SLC35F3: variants seen among roughly 807,000 people sequenced by gnomAD.
SLC35F3 encodes putative thiamine transporter SLC35F3.
SLC35F3 carries 25 observed loss-of-function variants against 49.9 expected under a neutral mutation model. The observed-to-expected ratio is 0.50, with a 90% CI of 0.37 to 0.70. The LOEUF (loss-of-function observed/expected upper bound fraction) is 0.70. Among genes scored for constraint, SLC35F3 ranks in the 30% least tolerant of loss-of-function variants. The pLI is 0.00. For missense variants in SLC35F3, 525 were observed against 639.8 expected (o/e 0.82, Z 1.94); for synonymous variants, 275 against 265.4 (o/e 1.04, Z -0.35).
At chr1:234,154,229 C>T (rs890932268) in intron 2 of SLC35F3, among the ~76,000 whole-genome samples, 4 of 152,010 alleles carry the variant, frequency 2.6e-5, no homozygotes, top group African/African-American at 7.3e-5. Context: ...CCAGCCGGAG[C>T]GATAGAGTGA....
In SLC35F3 at chr1:234,152,169, TAATC is replaced by T. The variant is rs536363757; in HGVS notation, c.284-79244_284-79241del. Among the ~76,000 whole-genome samples, 148 of 151,414 alleles carry T rather than the reference TAATC, an allele frequency of 9.8e-4. 2 individuals carry two copies. The highest frequency in any genetic ancestry group is 3.2e-3 in the African/African-American group (133 of 41,376). ...ATTTTTTTAAATGAAAGAAAAAAGA[TAATC>T]AATTTTTTGACAGCAGTGCTAAAAG... On this transcript the variant is annotated intron_variant, in intron 2 of 7. Transcript: ENST00000366618.
At chr1:233,938,606 A>G (rs1472173252) in intron 2 of SLC35F3, among the ~76,000 whole-genome samples, 2 of 152,174 alleles carry the variant, frequency 1.3e-5, no homozygotes, top group African/African-American at 2.4e-5. Flanking sequence ...AGAGCTAACA[A>G]TGGATGGACA....
At position 234,299,921 on chromosome 1, in the gene SLC35F3, C is replaced by T. The variant is rs542302874; in HGVS notation, c.609-9180C>T. On this transcript the variant is annotated intron_variant, in intron 3 of 7. Coordinates refer to ENST00000366618, the MANE Select transcript of SLC35F3 (RefSeq NM_173508.4). ...TTTTAAAAGAGAGAAAGAAAGAAAA[C>T]AGAGAAAGAGAGAGAAAAGAGCATG... 2.0e-4 allele frequency among the ~76,000 whole-genome samples: 30 copies of T among 147,416 alleles called. No individual in the cohort carries two copies. In the East Asian group the frequency reaches 3.4e-3, roughly 16 times the overall value.
intron 2 of SLC35F3, among the ~76,000 whole-genome samples, chr1:234,126,260 T>A (rs1428723649): frequency 6.6e-6 from 1 of 152,218 alleles, no homozygotes; most frequent in African/African-American, 2.4e-5. Context: ...CAAATCCAGC[T>A]CATCTCTACC....
chr1:233,907,680 T>A (rs1661798331), intron 2 of SLC35F3, among the ~76,000 whole-genome samples: 1 of 151,862 alleles, frequency 6.6e-6, no homozygotes, highest in South Asian at 2.1e-4. Flanking sequence ...AATGTTTTAT[T>A]AATGTATTAA....
At chr1:234,182,574 A>G (rs1027615286) in intron 2 of SLC35F3, among the ~76,000 whole-genome samples, 4 of 152,184 alleles carry the variant, frequency 2.6e-5, no homozygotes, top group Non-Finnish European at 1.5e-5. Context: ...CTTTCTTGAG[A>G]TCGATTGCCA....
chr1:234,240,181 G>C (rs765902873), intron 3 of SLC35F3, among the ~76,000 whole-genome samples: 11 of 152,196 alleles, frequency 7.2e-5, no homozygotes, highest in Non-Finnish European at 1.0e-4. Context: ...AAAATGATGA[G>C]GGGGAGGGCT....
At chr1:234,164,608 T>C (rs1193728542) in intron 2 of SLC35F3, among the ~76,000 whole-genome samples, 1 of 152,008 alleles carries the variant, frequency 6.6e-6, no homozygotes, top group Non-Finnish European at 1.5e-5. Context: ...TGTTGGTTTG[T>C]TGTTTTTACC....
At chr1:234,176,849 T>C (rs1666483996) in intron 2 of SLC35F3, among the ~76,000 whole-genome samples, 1 of 151,598 alleles carries the variant, frequency 6.6e-6, no homozygotes, top group African/African-American at 2.4e-5. Context: ...CTTTCTGGAC[T>C]ACTATAACCA....
intron 3 of SLC35F3, among the ~76,000 whole-genome samples, chr1:234,281,971 G>A (rs1320589961): frequency 4.6e-5 from 7 of 152,016 alleles, no homozygotes; most frequent in Admixed American, 4.6e-4. Context: ...GCTGAGGCTC[G>A]GCTTAAGCGC....
chr1:233,931,320 C>T (rs552634500), intron 2 of SLC35F3, among the ~76,000 whole-genome samples: 16 of 152,178 alleles, frequency 1.1e-4, no homozygotes, highest in Admixed American at 4.6e-4. Context: ...TTCTGCACAG[C>T]GAAAGAAACT....
intron 3 of SLC35F3, among the ~76,000 whole-genome samples, chr1:234,247,049 G>A (rs1667643102): frequency 6.6e-6 from 1 of 152,178 alleles, no homozygotes; most frequent in South Asian, 2.1e-4. Flanking sequence ...TCATGGGGCT[G>A]GAAACCTGGA....
intron 2 of SLC35F3, among the ~76,000 whole-genome samples, chr1:234,114,070 T>C (rs1665447709): frequency 6.6e-6 from 1 of 152,228 alleles, no homozygotes; most frequent in Non-Finnish European, 1.5e-5. Flanking sequence ...GCTCCCACTA[T>C]GGCTGGTTTC....
chr1:234,175,084 G>C (rs1313218435), intron 2 of SLC35F3, among the ~76,000 whole-genome samples: 1 of 152,182 alleles, frequency 6.6e-6, no homozygotes, highest in East Asian at 1.9e-4. Flanking sequence ...ATTTGCTTAG[G>C]CTCAGAAAGA....
intron 2 of SLC35F3, among the ~76,000 whole-genome samples, chr1:233,909,920 T>C (rs1661847343): frequency 6.6e-6 from 1 of 152,250 alleles, no homozygotes; most frequent in Non-Finnish European, 1.5e-5. Context: ...TACAAATTCC[T>C]GACCCTCTCC....
chr1:234,321,297 G>A (rs1657615084), intron 7 of SLC35F3, among the ~76,000 whole-genome samples: 1 of 152,158 alleles, frequency 6.6e-6, no homozygotes, highest in Non-Finnish European at 1.5e-5. Flanking sequence ...CAACCCACCT[G>A]GAGATCTGTG....
intron 4 of SLC35F3, among the ~76,000 whole-genome samples, chr1:234,311,967 G>C (rs1226160106): frequency 6.6e-6 from 1 of 152,228 alleles, no homozygotes; most frequent in Non-Finnish European, 1.5e-5. Flanking sequence ...GTGAGAATAA[G>C]ATGATGCATG....
intron 2 of SLC35F3, among the ~76,000 whole-genome samples, chr1:234,044,542 C>A (rs544493847): frequency 1.3e-5 from 2 of 152,238 alleles, no homozygotes; most frequent in South Asian, 4.1e-4. Context: ...AGTAGCCTTG[C>A]CAGTTTACAC....
chr1:234,204,677 G>A (rs931984681), intron 2 of SLC35F3, among the ~76,000 whole-genome samples: 19 of 152,144 alleles, frequency 1.2e-4, no homozygotes, highest in Non-Finnish European at 2.4e-4. Context: ...AAACCCTGCC[G>A]GGAACTCTAG....
Sources: allele counts gnomAD v4.1 joint callset (sites outside exome capture counted in the v4.1 genomes callset), GRCh38; gene constraint gnomAD v4.1.1; transcripts MANE v1.5; gene names NCBI Gene and HGNC (gene_info 2026-07-23, HGNC 2026-07-21).